Variants in NDUFAF6 observed in about 807,000 individuals in gnomAD.
NDUFAF6 encodes NADH:ubiquinone oxidoreductase complex assembly factor 6, also known as NADH dehydrogenase (ubiquinone) complex I, assembly factor 6.
In NDUFAF6, 45 loss-of-function variants were observed where a neutral mutation model predicts 40.8. The ratio of observed to expected loss-of-function variants is 1.10; its 90% CI spans 0.87 to 1.42. The LOEUF (loss-of-function observed/expected upper bound fraction) is 1.42, where lower values mean the gene tolerates loss of function less well. Among genes scored for constraint, NDUFAF6 ranks in the 40% most tolerant of loss-of-function variants. NDUFAF6 has a pLI of 0.00. For synonymous variants in NDUFAF6, 185 were observed against 155.9 expected (o/e 1.19, Z -1.39); for missense variants, 435 against 418.5 (o/e 1.04, Z -0.34).
intron 1 of NDUFAF6, among the ~76,000 whole-genome samples, chr8:94,966,249 TC>T (rs1201177386): frequency 1.3e-5 from 2 of 152,124 alleles, no homozygotes; most frequent in Non-Finnish European, 2.9e-5. Flanking sequence ...CCTGGGGACT[TC>T]ACATGTAAGG....
intron 2 of NDUFAF6, among the ~76,000 whole-genome samples, chr8:94,997,710 C>T (rs952653270): frequency 6.6e-6 from 1 of 152,118 alleles, no homozygotes; most frequent in African/African-American, 2.4e-5. Context: ...GCCATAGGAA[C>T]CCAGGTCTGT....
intron 4 of NDUFAF6, among the ~76,000 whole-genome samples, chr8:95,110,045 A>T (rs185820102): frequency 6.6e-6 from 1 of 152,226 alleles, no homozygotes; most frequent in East Asian, 1.9e-4. Flanking sequence ...ATGATCCATT[A>T]TGTGTTATCT....
chr8:95,011,107 G>A (rs1045230468), intron 2 of NDUFAF6, among the ~76,000 whole-genome samples: 1 of 152,182 alleles, frequency 6.6e-6, no homozygotes, highest in Non-Finnish European at 1.5e-5. Flanking sequence ...AGCTGTAAAC[G>A]GGAGGCTGTC....
At chr8:94,898,326 CTT>C (rs1817789976) in intron 1 of NDUFAF6, among the ~76,000 whole-genome samples, 1 of 152,176 alleles carries the variant, frequency 6.6e-6, no homozygotes, top group South Asian at 2.1e-4. Flanking sequence ...GATGTCATGT[CTT>C]AGGTTCCTCT....
At chr8:94,895,972 G>A (rs1817512441) in intron 1 of NDUFAF6, 1 of 152,594 alleles carries the variant, frequency 6.6e-6, no homozygotes, top group African/African-American at 2.4e-5. Flanking sequence ...CCCCTACCGG[G>A]TTTCCCTCCC....
chr8:94,964,490 T>C (rs1030482557), intron 1 of NDUFAF6, among the ~76,000 whole-genome samples: 2 of 151,150 alleles, frequency 1.3e-5, no homozygotes, highest in Admixed American at 1.3e-4. Flanking sequence ...TAAAAGAGGT[T>C]TATATGGCTC....
chr8:95,010,230 A>T (rs979964014), intron 2 of NDUFAF6, among the ~76,000 whole-genome samples: 2 of 152,134 alleles, frequency 1.3e-5, no homozygotes, highest in Non-Finnish European at 2.9e-5. Flanking sequence ...CTGGGAGTAC[A>T]GGCGTGTGCT....
At chr8:95,003,183 CAACTGGTACCA>C (rs1229292421) in intron 2 of NDUFAF6, among the ~76,000 whole-genome samples, 1 of 152,134 alleles carries the variant, frequency 6.6e-6, no homozygotes, top group Non-Finnish European at 1.5e-5. Flanking sequence ...CTACAGGTTG[CAACTGGTACCA>C]AAGGAAGGAG....
chr8:94,927,336 A>G (rs955288884), intron 1 of NDUFAF6: 2 of 152,310 alleles, frequency 1.3e-5, no homozygotes, highest in Non-Finnish European at 2.9e-5. Flanking sequence ...ATTACAAACC[A>G]GTGTACTATA....
rs989578860 is a variant in NDUFAF6 at position 94,937,454 on chromosome 8, A to C, written c.-935-8029A>C. The stretch of plus-strand genomic sequence containing the variant: ...AGACTCCATCTCAAAAAAAAAAAAA[A>C]ACCCAAAAACAAAATGGGGGGATAA... On this transcript the variant is annotated intron_variant, in intron 1 of 14. Coordinates refer to the NDUFAF6 transcript ENST00000396113. Among the ~76,000 whole-genome samples, 10 of 151,854 alleles carry C rather than the reference A, an allele frequency of 6.6e-5. 1 individual carries two copies. Among genetic ancestry groups the C allele is most frequent in the African/African-American group, 2.2e-4 (9 of 41,288 alleles).
chr8:94,994,237 T>C (rs1826318520), intron 2 of NDUFAF6, among the ~76,000 whole-genome samples: 1 of 152,126 alleles, frequency 6.6e-6, no homozygotes, highest in Non-Finnish European at 1.5e-5. Flanking sequence ...TGCCAGTCAT[T>C]CAGGGCCTTG....
At chr8:95,027,806 T>C (rs746041908) in intron 1 of NDUFAF6, among the ~76,000 whole-genome samples, 15 of 152,312 alleles carry the variant, frequency 9.8e-5, no homozygotes, top group Admixed American at 3.9e-4. Flanking sequence ...CCTCTGAAAT[T>C]ATGCAGGGTT....
At chr8:94,908,649 T>G (rs1311732336) in intron 1 of NDUFAF6, among the ~76,000 whole-genome samples, 1 of 152,210 alleles carries the variant, frequency 6.6e-6, no homozygotes, top group Admixed American at 6.5e-5. Flanking sequence ...GGAGTACAGA[T>G]GTGAGCCACC....
At chr8:95,071,217 C>T (rs1187834727) in intron 9 of NDUFAF6, among the ~76,000 whole-genome samples, 2 of 125,582 alleles carry the variant, frequency 1.6e-5, no homozygotes, top group South Asian at 3.1e-4. Context: ...GGTGAAAACC[C>T]GTCTCTACTA....
At chr8:95,093,112 T>C (rs1809321594) in intron 2 of NDUFAF6, among the ~76,000 whole-genome samples, 1 of 95,146 alleles carries the variant, frequency 1.1e-5, no homozygotes, top group Non-Finnish European at 2.0e-5. Flanking sequence ...TTCTAATCCC[T>C]TGGGAGTGTA....
chr8:95,053,317 A>G (rs1167316918), intron 8 of NDUFAF6, among the ~76,000 whole-genome samples: 2 of 152,228 alleles, frequency 1.3e-5, no homozygotes, highest in Non-Finnish European at 2.9e-5. Flanking sequence ...AACCTTTCAT[A>G]TACATATAAT....
chr8:94,960,589 A>T (rs2131474487), intron 1 of NDUFAF6, among the ~76,000 whole-genome samples: 1 of 152,312 alleles, frequency 6.6e-6, no homozygotes, highest in Non-Finnish European at 1.5e-5. Flanking sequence ...ATTTTATTCC[A>T]ATTGGCAGAA....
intron 4 of NDUFAF6, among the ~76,000 whole-genome samples, chr8:95,045,317 G>A (rs996358254): frequency 7.2e-5 from 11 of 152,132 alleles, no homozygotes; most frequent in African/African-American, 2.7e-4. Flanking sequence ...CCATGTCCAT[G>A]GTGATTTGTA....
chr8:94,996,554 TGTG>T (rs1826439958), intron 2 of NDUFAF6, among the ~76,000 whole-genome samples: 1 of 152,208 alleles, frequency 6.6e-6, no homozygotes, highest in Non-Finnish European at 1.5e-5. Context: ...TAGTTGATCT[TGTG>T]GTGATGGAGC....
Sources: gnomAD v4.1 joint callset for allele counts (sites outside exome capture counted in the v4.1 genomes callset) on GRCh38, gnomAD v4.1.1 for gene constraint, MANE v1.5 for transcripts, NCBI Gene and HGNC (gene_info 2026-07-23, HGNC 2026-07-21) for gene names.